The following ARHGEF18 variants were observed in gnomAD, a reference collection of about 807,000 sequenced individuals.
ARHGEF18 encodes the protein Rho/Rac guanine nucleotide exchange factor 18, also known as rho guanine nucleotide exchange factor 18.
Under a neutral mutation model 155.7 loss-of-function variants are expected in ARHGEF18, and 93 were observed. The observed-to-expected ratio is 0.60, with a 90% CI of 0.50 to 0.71. The LOEUF (loss-of-function observed/expected upper bound fraction) is 0.71. ARHGEF18 is among the 30% of genes least tolerant of loss of function. The pLI is 0.00. For missense variants in ARHGEF18, 1,593 were observed against 1,816.1 expected (o/e 0.88, Z 2.23); for synonymous variants, 742 against 753.1 (o/e 0.99, Z 0.24).
At position 7,375,710 on chromosome 19, in the gene ARHGEF18, TCTC is replaced by T; in HGVS notation, c.276-8_276-6del. Reference sequence around the variant, plus strand: ...CTGCTGAAGCCCCAGTACCCTGTCTTCTCCACTAGGCTCAGCCTCGATGCCTCA... The same window carrying T: ...CTGCTGAAGCCCCAGTACCCTGTCTTCACTAGGCTCAGCCTCGATGCCTCA... On this transcript the variant is annotated splice_region_variant and splice_polypyrimidine_tract_variant and intron_variant, in intron 3 of 28. Transcript: ENST00000668164. The T allele has an allele frequency of 8.1e-7, 1 of 1,234,228 alleles. No homozygotes were observed. 76.5% of individuals were successfully genotyped at this position (1,234,228 alleles called of 1,614,324 possible).
rs762077928 is a variant in ARHGEF18 at position 7,468,940 on chromosome 19, G to A, written c.3596G>A (p.Arg1199His). 10 of 1,574,622 alleles carry A rather than the reference G, an allele frequency of 6.4e-6. No individual in the cohort carries two copies. The highest frequency in any genetic ancestry group is 1.8e-5 in the Admixed American group (1 of 54,834). The part of the protein sequence containing the change: ...PEYAERPEVA[R>H]RDSAPTENRL... ...TACGCAGAGCGCCCCGAGGTGGCTC[G>A]CCGGGACAGCGCCCCCACCGAGAAC... The change falls in exon 27 of 29, where the codon CGC becomes CAC. Residue 1199 changes from arginine (R) to histidine (H), a missense_variant. By Grantham distance (29) the Arg-to-His change is conservative. Transcript: ENST00000668164.
At chr19:7,361,256 C>G (rs1969534405) in intron 1 of ARHGEF18, among the ~76,000 whole-genome samples, 1 of 151,954 alleles carries the variant, frequency 6.6e-6, no homozygotes, top group Non-Finnish European at 1.5e-5. Context: ...GCCAACGTAG[C>G]AAGACCCCCG....
intron 10 of ARHGEF18, among the ~76,000 whole-genome samples, chr19:7,426,818 C>G (rs1187331833): frequency 6.6e-6 from 1 of 152,160 alleles, no homozygotes; most frequent in Non-Finnish European, 1.5e-5. Context: ...AGACTGGTCC[C>G]AGGAGGAAAA....
chr19:7,463,635 A>G lies in ARHGEF18; in HGVS notation c.2636-183A>G, dbSNP rs1976427593. On this transcript the variant is annotated intron_variant, in intron 21 of 28. Coordinates refer to ENST00000668164, the MANE Select transcript of ARHGEF18 (RefSeq NM_001367823.1). This position sits in a 1 kb window ranked among gnomAD's most constrained non-coding sequence, Gnocchi z 5.2. The stretch of plus-strand genomic sequence containing the variant: ...CAGATTGGCCTGTCCTGGTGGCCAT[A>G]CCTGAAGTAAGGGTGTGCGCAGGGA... Among the ~76,000 whole-genome samples the G allele has an allele frequency of 6.6e-6, 1 of 152,166 alleles. No individual in the cohort carries two copies. The highest frequency in any genetic ancestry group is 2.4e-5 in the African/African-American group (1 of 41,422).
At chr19:7,450,953 G>A (rs372840184) in intron 15 of ARHGEF18, among the ~76,000 whole-genome samples, 196 bp from the exon 16 acceptor site, 14 of 310 alleles carry the variant, frequency 0.045, no homozygotes, top group Middle Eastern at 0.25. Flanking sequence ...AGATGTTAAT[G>A]CGGGATCTTG....
intron 18 of ARHGEF18, among the ~76,000 whole-genome samples, chr19:7,456,711 C>A (rs111724362): frequency 0.029 from 4,348 of 152,162 alleles, 200 homozygotes; most frequent in African/African-American, 0.095. Flanking sequence ...ACTGCTCTCC[C>A]GCCTGGGCAA....
intron 15 of ARHGEF18, among the ~76,000 whole-genome samples, chr19:7,448,892 G>A (rs1326201517): frequency 2.6e-5 from 4 of 152,088 alleles, no homozygotes; most frequent in African/African-American, 9.7e-5. Flanking sequence ...CACCTCTTTA[G>A]AGGCCCTAAC....
At chr19:7,453,243 A>T (rs1450827992) in intron 16 of ARHGEF18, among the ~76,000 whole-genome samples, 1 of 142,276 alleles carries the variant, frequency 7.0e-6, no homozygotes, top group African/African-American at 2.6e-5. Context: ...GACGTGTTGC[A>T]TTTATTTTGG....
At chr19:7,389,518 T>C (rs866316148) in intron 10 of ARHGEF18, among the ~76,000 whole-genome samples, 7 of 131,398 alleles carry the variant, frequency 5.3e-5, no homozygotes, top group African/African-American at 2.4e-4. Flanking sequence ...TTCCTTCCTT[T>C]CTTTCTTTCT....
Position 7,467,373 on chromosome 19 carries a change from G to A in ARHGEF18, c.3169G>A (p.Glu1057Lys). Residue 1057 changes from glutamate (E) to lysine (K), a missense_variant, in exon 26 of 29, where the codon GAG becomes AAG. Physicochemically the swap from Glu to Lys is moderately conservative, Grantham distance 56. Coordinates refer to ENST00000668164, the MANE Select transcript of ARHGEF18 (RefSeq NM_001367823.1). Reference protein sequence around the residue: ...EKQREERAALEKLQSQLRHEQ... With the variant: ...EKQREERAALKKLQSQLRHEQ... ...GCAGCGGGAGGAGCGCGCGGCCCTG[G>A]AGAAGCTGCAGAGCCAGCTGCGGCA... 4 of 1,533,990 alleles carry A rather than the reference G, an allele frequency of 2.6e-6. No homozygotes were observed. Among genetic ancestry groups the A allele is most frequent in the Non-Finnish European group, 3.5e-6 (4 of 1,145,758 alleles).
At chr19:7,423,411 T>C (rs1973472994) in intron 10 of ARHGEF18, among the ~76,000 whole-genome samples, 1 of 152,028 alleles carries the variant, frequency 6.6e-6, no homozygotes, top group Non-Finnish European at 1.5e-5. Flanking sequence ...GCCTGGTCAT[T>C]AATTGGCCAT....
chr19:7,426,410 C>T (rs1050286260), intron 10 of ARHGEF18, among the ~76,000 whole-genome samples: 1 of 149,148 alleles, frequency 6.7e-6, no homozygotes, highest in South Asian at 2.1e-4. Context: ...TTGCTTGAAC[C>T]TGGGAGGCAG....
Position 7,453,487 on chromosome 19 carries a change from G to A in ARHGEF18, c.1876G>A (p.Asp626Asn), listed in dbSNP as rs1975629334. The part of the protein sequence containing the change: ...NTEAGTEDYE[D>N]LTQALNLIKD... ...GGCAGCTGGCACTGAGGACTATGAAGACCTGACCCAGGCCTTGAACCTCAT... is the reference window on the plus strand; with the variant it reads ...GGCAGCTGGCACTGAGGACTATGAAAACCTGACCCAGGCCTTGAACCTCAT... The change falls in exon 17 of 29, where the codon GAC (aspartate) becomes AAC (asparagine). Residue 626 changes from aspartate to asparagine, a missense_variant. Coordinates refer to ENST00000668164, the MANE Select transcript of ARHGEF18 (RefSeq NM_001367823.1). The A allele has an allele frequency of 6.2e-7, 1 of 1,610,150 alleles. No individual in the cohort carries two copies. Among genetic ancestry groups the A allele is most frequent in the East Asian group, 2.2e-5 (1 of 44,774 alleles).
chr19:7,366,912 G>A (rs796163623), intron 2 of ARHGEF18, among the ~76,000 whole-genome samples: 15 of 151,596 alleles, frequency 9.9e-5, no homozygotes, highest in African/African-American at 7.3e-5. Flanking sequence ...ACAGGTGCAC[G>A]CCACCACATC....
rs1006849157 is a variant in ARHGEF18, at chr19:7,463,053, C to T, written c.2635+719C>T. Among the ~76,000 whole-genome samples, 8 of 152,042 alleles carry T rather than the reference C, an allele frequency of 5.3e-5. No individual in the cohort carries two copies. The highest frequency in any genetic ancestry group is 1.2e-4 in the African/African-American group (5 of 41,390). ...TTCACCATGTTGGCCAGGCTGGTCT[C>T]GAACTCCTGACCTCAGATGATCCAC... On this transcript the variant is annotated intron_variant, in intron 21 of 28. Coordinates refer to ENST00000668164, the MANE Select transcript of ARHGEF18 (RefSeq NM_001367823.1). The surrounding 1 kb of genome is among the most constrained non-coding windows in gnomAD (Gnocchi z 5.2).
intron 2 of ARHGEF18, among the ~76,000 whole-genome samples, chr19:7,367,537 A>G (rs1969939822): frequency 6.6e-6 from 1 of 151,918 alleles, no homozygotes; most frequent in South Asian, 2.1e-4. Flanking sequence ...ACCTGAGGTC[A>G]GGAGTTCGAG....
At chr19:7,456,054 G>C (rs562666205) in intron 17 of ARHGEF18, among the ~76,000 whole-genome samples, 46 of 152,360 alleles carry the variant, frequency 3.0e-4, no homozygotes, top group African/African-American at 1.0e-3. Flanking sequence ...AAAGAGAATT[G>C]CCGGGCACAG....
At chr19:7,478,200 A>G in the ARHGEF18 span, 3 of 1,159,108 alleles carry the variant, frequency 2.6e-6, no homozygotes, top group Non-Finnish European at 3.7e-6. Flanking sequence ...TGACTCCCCC[A>G]TGACCTGAGC....
At chr19:7,356,465 G>A (rs1969310981) in intron 1 of ARHGEF18, among the ~76,000 whole-genome samples, 1 of 151,782 alleles carries the variant, frequency 6.6e-6, no homozygotes, top group Non-Finnish European at 1.5e-5. Flanking sequence ...GTAGAGACGG[G>A]GTTTCACCAT....
Sources: allele counts gnomAD v4.1 joint callset (sites outside exome capture counted in the v4.1 genomes callset), GRCh38; gene constraint gnomAD v4.1.1; non-coding constraint Gnocchi (gnomAD v3.1); transcripts MANE v1.5; gene names NCBI Gene and HGNC (gene_info 2026-07-23, HGNC 2026-07-21).